The following MAP3K20 variants were observed in gnomAD, a reference collection of about 807,000 sequenced individuals.
The protein encoded by MAP3K20 is mitogen-activated protein kinase kinase kinase 20, also known as HCCS-4.
A neutral mutation model predicts 85.7 loss-of-function variants in MAP3K20; 40 were observed. The observed-to-expected ratio is 0.47, with a 90% CI of 0.36 to 0.61. The LOEUF is 0.61. MAP3K20 is among the 20% of genes least tolerant of loss of function. The pLI, the probability that MAP3K20 is intolerant of heterozygous loss-of-function variation, is 0.00. For synonymous variants in MAP3K20, 325 were observed against 327.7 expected, an observed-to-expected ratio of 0.99 and a Z score of 0.09; for missense variants, 817 against 961.7, an observed-to-expected ratio of 0.85 and a Z score of 1.99.
chr2:173,156,306 C>T (rs1486998219), intron 2 of MAP3K20, among the ~76,000 whole-genome samples: 1 of 151,978 alleles, frequency 6.6e-6, no homozygotes, highest in Admixed American at 6.6e-5. Context: ...TTAGTAGAAC[C>T]CCATTTATTA....
At chr2:173,223,904 G>A in intron 11 of MAP3K20, 1 of 985,426 alleles carries the variant, frequency 1.0e-6, no homozygotes, top group Non-Finnish European at 1.2e-6. Flanking sequence ...AGCATGCCCT[G>A]GGGTGCAGTG....
At position 173,139,791 on chromosome 2, in the gene MAP3K20, C is replaced by G. The variant is rs188465269; in HGVS notation, c.160-30014C>G. On this transcript the variant is annotated intron_variant, in intron 2 of 19. Transcript: ENST00000375213. ...TCCTAAATATTTTATTTTACACACT[C>G]AGTATCATGTTTCTTTTTAAAGTTT... 3.6e-3 allele frequency among the ~76,000 whole-genome samples: 550 copies of G among 152,110 alleles called. 5 individuals carry two copies. Among genetic ancestry groups the G allele is most frequent in the African/African-American group, 0.012 (500 of 41,514 alleles).
chr2:173,242,212 G>C (rs900507851), intron 16 of MAP3K20, among the ~76,000 whole-genome samples: 2 of 147,658 alleles, frequency 1.4e-5, no homozygotes, highest in Non-Finnish European at 3.0e-5. Context: ...TTTTGCTCTT[G>C]TTGCCCAGGA....
At chr2:173,134,424 A>AATTTTTTT (rs1688734358) in intron 2 of MAP3K20, among the ~76,000 whole-genome samples, 1 of 5,032 alleles carries the variant, frequency 2.0e-4, no homozygotes, top group Non-Finnish European at 4.1e-4. Context: ...ATATATATAT[A>AATTTTTTT]TATATTTTTT....
At chr2:173,135,480 C>G (rs1475356125) in intron 2 of MAP3K20, among the ~76,000 whole-genome samples, 2 of 152,180 alleles carry the variant, frequency 1.3e-5, no homozygotes, top group African/African-American at 4.8e-5. Flanking sequence ...TGTGGCTTAA[C>G]AGAAGGACAT....
intron 2 of MAP3K20, among the ~76,000 whole-genome samples, chr2:173,126,877 CAAG>C (rs1327849286): frequency 1.3e-5 from 2 of 152,172 alleles, no homozygotes; most frequent in African/African-American, 2.4e-5. Flanking sequence ...TCTGCAACAT[CAAG>C]AAGGTGTGTG....
chr2:173,239,506 A>G lies in MAP3K20; in HGVS notation c.1359+10A>G, dbSNP rs769207128. ...AGGAACTGGCCCACAGGTAAATCAC[A>G]TTTTAAATCCTTTGGATAAATCTCA... On this transcript the variant is annotated intron_variant, in intron 16 of 19. Transcript: ENST00000375213. The G allele has an allele frequency of 1.2e-6, 2 of 1,608,748 alleles. No individual in the cohort carries two copies. Among genetic ancestry groups the G allele is most frequent in the African/African-American group, 2.7e-5 (2 of 74,612 alleles).
intron 2 of MAP3K20, among the ~76,000 whole-genome samples, chr2:173,141,784 TA>T (rs747005446): frequency 2.0e-5 from 3 of 152,050 alleles, no homozygotes; most frequent in Non-Finnish European, 4.4e-5. Flanking sequence ...ACATCATAGT[TA>T]AACTGCTAAA....
At chr2:173,221,549 T>TTGG in intron 11 of MAP3K20, 1 of 1,493,014 alleles carries the variant, frequency 6.7e-7, no homozygotes, top group Non-Finnish European at 9.0e-7. Flanking sequence ...AGCAAAGTAA[T>TTGG]AAAATCACAA....
chr2:173,265,508 C>G (rs1187627497), intron 19 of MAP3K20, among the ~76,000 whole-genome samples: 1 of 152,234 alleles, frequency 6.6e-6, no homozygotes, highest in Non-Finnish European at 1.5e-5. Flanking sequence ...CAAACAATCT[C>G]TAGCTGTCTC....
chr2:173,147,276 C>T (rs1002092988), intron 2 of MAP3K20, among the ~76,000 whole-genome samples: 1 of 152,192 alleles, frequency 6.6e-6, no homozygotes. Context: ...TGCCTAAGGT[C>T]ATGAAGATTT....
intron 2 of MAP3K20, among the ~76,000 whole-genome samples, chr2:173,156,716 C>T (rs1038445420): frequency 7.2e-5 from 11 of 152,198 alleles, no homozygotes; most frequent in Non-Finnish European, 1.5e-4. Flanking sequence ...TGCTCACCTC[C>T]TGCTGTGCGA....
intron 14 of MAP3K20, among the ~76,000 whole-genome samples, chr2:173,237,668 T>C (rs1431898490): frequency 6.6e-6 from 1 of 152,164 alleles, no homozygotes; most frequent in Non-Finnish European, 1.5e-5. Context: ...TGGACACATA[T>C]CCAAAGAAAT....
At chr2:173,108,391 A>G (rs1327520694) in intron 2 of MAP3K20, among the ~76,000 whole-genome samples, 1 of 152,210 alleles carries the variant, frequency 6.6e-6, no homozygotes, top group Admixed American at 6.5e-5. Flanking sequence ...TCGGCCTCCC[A>G]AAGTGCTGGG....
chr2:173,263,873 C>A lies in MAP3K20; in HGVS notation c.1680C>A (p.Asn560Lys). 1.2e-6 allele frequency: 2 copies of A among 1,611,492 alleles called. No homozygotes were observed. The highest frequency in any genetic ancestry group is 2.2e-5 in the East Asian group (1 of 44,852). The change falls in exon 19 of 20, where the codon AAC becomes AAA. Residue 560 changes from asparagine (N) to lysine (K), a missense_variant. Physicochemically the swap from Asn to Lys is moderately conservative, Grantham distance 94 (BLOSUM62 0). Coordinates refer to ENST00000375213, the MANE Select transcript of MAP3K20 (RefSeq NM_016653.3). Reference sequence around the variant, plus strand: ...CATTATTCACCAATTCAGATGGCAACCCTGGAAGCAGGTCCGACTCAAGTA... The same window carrying A: ...CATTATTCACCAATTCAGATGGCAAACCTGGAAGCAGGTCCGACTCAAGTA... The part of the protein sequence containing the change: ...IQTLFTNSDG[N>K]PGSRSDSSAD...
At chr2:173,170,045 A>G (rs933949698) in intron 3 of MAP3K20, among the ~76,000 whole-genome samples, 153 bp downstream of exon 3, 2 of 152,220 alleles carry the variant, frequency 1.3e-5, no homozygotes, top group Non-Finnish European at 2.9e-5. Flanking sequence ...AAAACTGATT[A>G]TATCAATATA....
chr2:173,148,635 C>T (rs1247904204), intron 2 of MAP3K20, among the ~76,000 whole-genome samples: 1 of 152,184 alleles, frequency 6.6e-6, no homozygotes, highest in Non-Finnish European at 1.5e-5. Context: ...AAAAGCATCC[C>T]TTCCCTGCCT....
intron 1 of MAP3K20, among the ~76,000 whole-genome samples, chr2:173,087,787 T>C (rs1687182479): frequency 6.6e-6 from 1 of 152,190 alleles, no homozygotes; most frequent in Non-Finnish European, 1.5e-5. Context: ...CAAGACATTT[T>C]AAGATATACA....
At chr2:173,229,088 C>T (rs1205953199) in intron 11 of MAP3K20, among the ~76,000 whole-genome samples, 1 of 152,184 alleles carries the variant, frequency 6.6e-6, no homozygotes, top group African/African-American at 2.4e-5. Context: ...CTGGAGGCAT[C>T]TTCATTTGTA....
Sources: allele counts gnomAD v4.1 joint callset (sites outside exome capture counted in the v4.1 genomes callset), GRCh38; gene constraint gnomAD v4.1.1; transcripts MANE v1.5; gene names NCBI Gene and HGNC (gene_info 2026-07-23, HGNC 2026-07-21).